The following TDRD9 variants were observed in gnomAD, a reference collection of about 807,000 sequenced individuals.
The protein encoded by TDRD9 is ATP-dependent RNA helicase TDRD9.
TDRD9 carries 124 observed loss-of-function variants against 172.6 expected under a neutral mutation model. That is an observed-to-expected ratio of 0.72 (90% CI 0.62 to 0.83). The LOEUF (loss-of-function observed/expected upper bound fraction) is 0.83. TDRD9 is among the 40% of genes least tolerant of loss of function. The pLI, the probability that TDRD9 is intolerant of heterozygous loss-of-function variation, is 0.00. For synonymous variants in TDRD9, 619 were observed against 617.1 expected (o/e 1.00, Z -0.05); for missense variants, 1,479 against 1,714.1 (o/e 0.86, Z 2.42).
chr14:104,002,524 A>C (rs1466526084), intron 13 of TDRD9, among the ~76,000 whole-genome samples: 5 of 152,066 alleles, frequency 3.3e-5, no homozygotes, highest in African/African-American at 1.2e-4. Context: ...GGCCGAATTG[A>C]CTACACCTGG....
chr14:103,972,070 C>T (rs2033057223), intron 6 of TDRD9, among the ~76,000 whole-genome samples: 1 of 151,874 alleles, frequency 6.6e-6, no homozygotes, highest in Non-Finnish European at 1.5e-5. Flanking sequence ...CGGAGGATTG[C>T]TTGAGCCTGG....
intron 28 of TDRD9, among the ~76,000 whole-genome samples, chr14:104,027,752 G>T (rs2035166547): frequency 6.6e-6 from 1 of 152,066 alleles, no homozygotes; most frequent in African/African-American, 2.4e-5. Context: ...ATACCTTATA[G>T]TTAACCATAT....
intron 20 of TDRD9, among the ~76,000 whole-genome samples, chr14:104,012,011 C>T (rs1040137661): frequency 1.3e-5 from 2 of 152,160 alleles, no homozygotes; most frequent in African/African-American, 4.8e-5. Flanking sequence ...GATTAATTCT[C>T]TCAGCAACAG....
At chr14:103,946,586 A>G (rs909311102) in intron 1 of TDRD9, among the ~76,000 whole-genome samples, 1 of 152,216 alleles carries the variant, frequency 6.6e-6, no homozygotes, top group African/African-American at 2.4e-5. Context: ...AATGCATCCA[A>G]ATTACAAAGG....
intron 6 of TDRD9, 107 bp downstream of exon 6, chr14:103,970,728 G>A (rs78779813): frequency 6.2e-5 from 50 of 811,094 alleles, no homozygotes; most frequent in Non-Finnish European, 9.3e-5. Context: ...CTGGGACCCC[G>A]GACAGATACT....
rs528871462 is a variant in TDRD9, at chr14:104,014,146, G to A, written c.2107-579G>A. Among the ~76,000 whole-genome samples the A allele has an allele frequency of 4.0e-5, 6 of 151,092 alleles. No homozygotes were observed. In the South Asian group the frequency reaches 8.4e-4, roughly 21 times the overall value. On this transcript the variant is annotated intron_variant, in intron 20 of 35. Transcript: ENST00000409874. ...CGGGAAGCTGAAGCAGGAGAATGGC[G>A]TGAACCTCGGAGGCAGAGCTTGCAG...
At chr14:104,047,361 GTTGT>G (rs1355883869) in intron 34 of TDRD9, among the ~76,000 whole-genome samples, 2 of 151,970 alleles carry the variant, frequency 1.3e-5, no homozygotes, top group Non-Finnish European at 2.9e-5. Context: ...TATTCTAGTA[GTTGT>G]TTGTAGATTC....
intron 2 of TDRD9, among the ~76,000 whole-genome samples, chr14:103,956,787 CGTTA>C (rs995978754): frequency 6.6e-6 from 1 of 152,018 alleles, no homozygotes; most frequent in African/African-American, 2.4e-5. Flanking sequence ...CAGAGTTCAC[CGTTA>C]GTTACTTTCT....
intron 7 of TDRD9, among the ~76,000 whole-genome samples, chr14:103,985,364 C>T (rs1303158291): frequency 6.6e-6 from 1 of 152,116 alleles, no homozygotes; most frequent in African/African-American, 2.4e-5. Flanking sequence ...GTGAGTAAGT[C>T]TCATGAAATC....
chr14:104,004,918 G>A (rs1202067337), intron 14 of TDRD9, among the ~76,000 whole-genome samples: 1 of 152,034 alleles, frequency 6.6e-6, no homozygotes, highest in African/African-American at 2.4e-5. Flanking sequence ...ATGAGTAATT[G>A]TGGGATCAGC....
chr14:103,986,425 T>C, intron 8 of TDRD9, 105 bp downstream of exon 8: 1 of 804,866 alleles, frequency 1.2e-6, no homozygotes, highest in Non-Finnish European at 1.9e-6. Context: ...TAACTATAGG[T>C]ACTTTTTTAG....
intron 34 of TDRD9, among the ~76,000 whole-genome samples, chr14:104,045,066 C>T (rs1041383721): frequency 2.6e-5 from 4 of 152,062 alleles, no homozygotes; most frequent in Non-Finnish European, 4.4e-5. Context: ...TTGCTTGAAC[C>T]CAGGAGGCGG....
chr14:104,025,093 T>G (rs2035074429), intron 25 of TDRD9, among the ~76,000 whole-genome samples: 1 of 152,216 alleles, frequency 6.6e-6, no homozygotes, highest in African/African-American at 2.4e-5. Flanking sequence ...GCGATTCCCC[T>G]GCCTCAGCCT....
At chr14:103,938,408 GTGTGTGTATA>G (rs1228058353) in intron 1 of TDRD9, among the ~76,000 whole-genome samples, 40 of 73,338 alleles carry the variant, frequency 5.5e-4, no homozygotes, top group African/African-American at 2.1e-3. Context: ...GTGTGTGTGT[GTGTGTGTATA>G]TATATATATA....
chr14:104,049,960 T>G, intron 35 of TDRD9: 1 of 354,486 alleles, frequency 2.8e-6, no homozygotes, highest in Non-Finnish European at 5.1e-6. Flanking sequence ...GGATTGAACC[T>G]TCCTGCTCTT....
chr14:104,019,680 A>C (rs2034895087), intron 23 of TDRD9, among the ~76,000 whole-genome samples: 3 of 152,208 alleles, frequency 2.0e-5, no homozygotes, highest in Admixed American at 1.3e-4. Context: ...GGGTGACTTC[A>C]TGTAGACTCT....
chr14:103,952,667 A>T (rs1428349882), intron 1 of TDRD9, among the ~76,000 whole-genome samples: 3 of 150,162 alleles, frequency 2.0e-5, no homozygotes, highest in Non-Finnish European at 3.0e-5. Flanking sequence ...TACCTTTTAA[A>T]GTTAAAAGTC....
At position 104,038,327 on chromosome 14, in the gene TDRD9, A is replaced by C. The variant is rs548140460; in HGVS notation, c.3717-1869A>C. On this transcript the variant is annotated intron_variant, in intron 32 of 35. Transcript: ENST00000409874. ...AAAAAATTGAATGAGGGTGGATTAA[A>C]AGAAGACTCTCACTGTTTAACTGGG... 1.2e-4 allele frequency among the ~76,000 whole-genome samples: 18 copies of C among 152,380 alleles called. No individual in the cohort carries two copies. In the East Asian group the frequency reaches 2.5e-3, roughly 21 times the overall value.
At chr14:103,930,367 A>G (rs2030299832) in intron 1 of TDRD9, among the ~76,000 whole-genome samples, 1 of 152,032 alleles carries the variant, frequency 6.6e-6, no homozygotes, top group South Asian at 2.1e-4. Context: ...TTGTATTTTT[A>G]GTAGAGACAG....
Sources: allele counts gnomAD v4.1 joint callset (sites outside exome capture counted in the v4.1 genomes callset), GRCh38; gene constraint gnomAD v4.1.1; transcripts MANE v1.5; gene names NCBI Gene and HGNC (gene_info 2026-07-23, HGNC 2026-07-21).